The following CKMT2 variants were observed in gnomAD, a reference collection of about 807,000 sequenced individuals.
The protein encoded by CKMT2 is creatine kinase S-type, mitochondrial.
Under a neutral mutation model 48.9 loss-of-function variants are expected in CKMT2, and 43 were observed. The observed-to-expected ratio is 0.88, with a 90% CI of 0.69 to 1.13. The LOEUF is 1.13. Ranked by LOEUF, CKMT2 falls within the 50% of genes most tolerant of loss-of-function variation. CKMT2 has a pLI of 0.00. For missense variants in CKMT2, 472 were observed against 555.4 expected (o/e 0.85, Z 1.51); for synonymous variants, 206 against 213.0 (o/e 0.97, Z 0.29).
chr5:81,244,847 ATTT>A (rs71000809), intron 1 of CKMT2: 12 of 113,594 alleles, frequency 1.1e-4, no homozygotes, highest in East Asian at 2.4e-4. Flanking sequence ...CCCCCTCACT[ATTT>A]TTTTTTTTTT....
At chr5:81,240,243 T>C (rs1302371758) in intron 1 of CKMT2, among the ~76,000 whole-genome samples, 1 of 152,178 alleles carries the variant, frequency 6.6e-6, no homozygotes, top group Non-Finnish European at 1.5e-5. Flanking sequence ...GACACCTGTG[T>C]GCTGTGGGCA....
chr5:81,257,841 T>C lies in CKMT2; in HGVS notation c.864T>C (p.Cys288=), dbSNP rs570549002. ...GNMKRVFERF[C]RGLKEVERLI... is the part of the protein sequence containing the mutation. The stretch of plus-strand genomic sequence containing the variant: ...TGAAACGAGTATTTGAGCGATTCTG[T>C]CGTGGACTAAAAGAAGTAAGATGTT... The change falls in exon 7 of 10, where the codon TGT becomes TGC. Residue 288 remains cysteine (C), a synonymous_variant. Transcript: ENST00000254035. 8.7e-6 allele frequency: 14 copies of C among 1,613,270 alleles called. No individual in the cohort carries two copies. The African/African-American group carries it at 1.3e-4, about 15-fold the overall frequency.
In CKMT2 at chr5:81,252,879, G is replaced by A. The variant is rs367843661; in HGVS notation, c.337G>A (p.Glu113Lys). 8 of 1,614,072 alleles carry A rather than the reference G, an allele frequency of 5.0e-6. No homozygotes were observed. The highest frequency in any genetic ancestry group is 1.3e-5 in the African/African-American group (1 of 74,936). Residue 113 changes from glutamate to lysine, a missense_variant, in exon 3 of 10, where the codon GAG becomes AAG. Glu to Lys is a moderately conservative substitution (Grantham distance 56). Transcript: ENST00000254035. ...IKTVGMVAGD[E>K]ESYEVFADLF... is the part of the protein sequence containing the mutation. ...GACTGTGGGCATGGTGGCTGGTGAC[G>A]AGGAGTCCTATGAGGTAAAACTATT...
At chr5:81,241,034 T>C (rs891947076) in intron 1 of CKMT2, among the ~76,000 whole-genome samples, 1 of 152,176 alleles carries the variant, frequency 6.6e-6, no homozygotes, top group Non-Finnish European at 1.5e-5. Context: ...TGATAACCTA[T>C]CATGTGTGGG....
Position 81,259,156 on chromosome 5 carries a change from A to C in CKMT2, c.916A>C (p.Met306Leu). The C allele has an allele frequency of 3.1e-6, 5 of 1,614,076 alleles. No homozygotes were observed. Among genetic ancestry groups the C allele is most frequent in the Non-Finnish European group, 4.2e-6 (5 of 1,179,960 alleles). Residue 306 changes from methionine to leucine, a missense_variant, in exon 8 of 10, where the codon ATG (methionine) becomes CTG (leucine). Transcript: ENST00000254035. ...RLIQERGWEF[M>L]WNERLGYILT... is the part of the protein sequence containing the mutation. ...AATCCAAGAACGAGGCTGGGAGTTCATGTGGAATGAGCGCCTAGGATACAT... is the reference window on the plus strand; with the variant it reads ...AATCCAAGAACGAGGCTGGGAGTTCCTGTGGAATGAGCGCCTAGGATACAT...
rs778164648 is a variant in CKMT2 at position 81,255,077 on chromosome 5, C to T, written c.532C>T (p.Pro178Ser). Residue 178 changes from proline (P) to serine (S), a missense_variant, in exon 5 of 10, where the codon CCA (proline) becomes TCA (serine). By Grantham distance (74) the Pro-to-Ser change is moderately conservative (BLOSUM62 -1). Coordinates refer to ENST00000254035, the MANE Select transcript of CKMT2 (RefSeq NM_001099735.2). Reference protein sequence around the residue: ...GRSIRGLSLPPACTRAERREV... With the variant: ...GRSIRGLSLPSACTRAERREV... ...CAGCATCCGTGGGCTGAGCCTGCCT[C>T]CAGCCTGCACCCGGGCCGAGCGAAG... 1 of 1,614,042 alleles carries T rather than the reference C, an allele frequency of 6.2e-7. No individual in the cohort carries two copies. The highest frequency in any genetic ancestry group is 2.2e-5 in the East Asian group (1 of 44,854).
rs564315001 is a variant in CKMT2, at chr5:81,264,549, G to C, written c.1140+933G>C. On this transcript the variant is annotated intron_variant, in intron 9 of 9. Coordinates refer to ENST00000254035, the MANE Select transcript of CKMT2 (RefSeq NM_001099735.2). ...ATCAGCCAGTGTGCTATCAGCTCTG[G>C]TAAAGTACTTGAGGGACATGTAACT... Among the ~76,000 whole-genome samples, 362 of 152,292 alleles carry C rather than the reference G, an allele frequency of 2.4e-3. 1 individual carries two copies. Among genetic ancestry groups the C allele is most frequent in the Non-Finnish European group, 4.6e-3 (315 of 68,012 alleles).
At chr5:81,237,368 A>C (rs34755999) in intron 1 of CKMT2, among the ~76,000 whole-genome samples, 11,724 of 152,026 alleles carry the variant, frequency 0.077, 537 homozygotes, top group Admixed American at 0.1. Context: ...GGGAGACCTC[A>C]TCATGCCCAT....
At chr5:81,259,697 A>C (rs372070192) in intron 8 of CKMT2, among the ~76,000 whole-genome samples, 1 of 152,194 alleles carries the variant, frequency 6.6e-6, no homozygotes, top group South Asian at 2.1e-4. Context: ...TGGTCAAGGG[A>C]CTACACTTGG....
intron 8 of CKMT2, among the ~76,000 whole-genome samples, chr5:81,262,273 T>C (rs948209760): frequency 1.2e-4 from 19 of 152,092 alleles, no homozygotes; most frequent in African/African-American, 3.4e-4. Flanking sequence ...ATTCAGGACA[T>C]AGGCATGGGC....
At chr5:81,247,524 T>C (rs995911645) in intron 1 of CKMT2, among the ~76,000 whole-genome samples, 2 of 152,170 alleles carry the variant, frequency 1.3e-5, no homozygotes, top group African/African-American at 4.8e-5. Flanking sequence ...GACAAAGCAA[T>C]GTTCTGACTG....
intron 9 of CKMT2, 78 bp from the exon 10 acceptor site, chr5:81,266,061 C>A: frequency 7.4e-7 from 1 of 1,343,872 alleles, no homozygotes; most frequent in Non-Finnish European, 1.0e-6. Context: ...TCTCATTTAT[C>A]ACAGTGCTGT....
chr5:81,257,612 T>G (rs1757057909), intron 6 of CKMT2, 121 bp from the exon 7 acceptor site: 8 of 783,754 alleles, frequency 1.0e-5, no homozygotes, highest in African/African-American at 3.5e-5. Context: ...GTTAAGAGAT[T>G]AGGGCCATCT....
intron 8 of CKMT2, among the ~76,000 whole-genome samples, chr5:81,260,274 T>G (rs976045597): frequency 6.6e-6 from 1 of 151,988 alleles, no homozygotes; most frequent in Non-Finnish European, 1.5e-5. Context: ...GCAGGAAAGA[T>G]CTAAAATCGA....
chr5:81,259,304 C>CT, intron 8 of CKMT2, 50 bp downstream of exon 8: 1 of 1,549,534 alleles, frequency 6.5e-7, no homozygotes, highest in Non-Finnish European at 8.8e-7. Context: ...AGCTCAGATG[C>CT]GACTGCTTTG....
intron 1 of CKMT2, among the ~76,000 whole-genome samples, chr5:81,248,321 C>T (rs1756680533): frequency 6.6e-6 from 1 of 152,234 alleles, no homozygotes; most frequent in South Asian, 2.1e-4. Flanking sequence ...TAGGCCCATA[C>T]TGCCTGGAAA....
At chr5:81,257,058 C>G in intron 6 of CKMT2, 58 bp downstream of exon 6, 8 of 1,392,950 alleles carry the variant, frequency 5.7e-6, no homozygotes, top group Non-Finnish European at 8.1e-6. Flanking sequence ...TTGAGATCAC[C>G]TGCTTATCCT....
intron 9 of CKMT2, among the ~76,000 whole-genome samples, chr5:81,265,936 C>A (rs917102491): frequency 1.3e-5 from 2 of 152,180 alleles, no homozygotes; most frequent in African/African-American, 4.8e-5. Flanking sequence ...AAAGCTTTCA[C>A]ATACAAAGTA....
intron 1 of CKMT2, among the ~76,000 whole-genome samples, chr5:81,236,652 G>A (rs953373910): frequency 6.6e-6 from 1 of 152,198 alleles, no homozygotes; most frequent in Non-Finnish European, 1.5e-5. Flanking sequence ...AAGGCTCAGA[G>A]GTGGCAAAGT....
Sources: allele counts gnomAD v4.1 joint callset (sites outside exome capture counted in the v4.1 genomes callset), GRCh38; gene constraint gnomAD v4.1.1; transcripts MANE v1.5; gene names NCBI Gene and HGNC (gene_info 2026-07-23, HGNC 2026-07-21).